Variants in MIPOL1 observed in about 807,000 individuals in gnomAD.
The protein encoded by MIPOL1 is mirror-image polydactyly 1.
In MIPOL1, 57 loss-of-function variants were observed where a neutral mutation model predicts 60.9. That is an observed-to-expected ratio of 0.94 (90% CI 0.76 to 1.17). MIPOL1 has a LOEUF of 1.17. MIPOL1 is among the 50% of genes most tolerant of loss of function. The pLI, the probability that MIPOL1 is intolerant of heterozygous loss-of-function variation, is 0.00. For synonymous variants in MIPOL1, 179 were observed against 168.8 expected (o/e 1.06, Z -0.47); for missense variants, 551 against 511.6 (o/e 1.08, Z -0.74).
intron 11 of MIPOL1, among the ~76,000 whole-genome samples, chr14:37,459,931 C>T (rs1022410778): frequency 7.2e-5 from 11 of 151,898 alleles, no homozygotes; most frequent in African/African-American, 1.7e-4. Context: ...AAAAATTAGC[C>T]GGGCATGGTG....
intron 10 of MIPOL1, among the ~76,000 whole-genome samples, chr14:37,410,217 G>A (rs2093658673): frequency 1.4e-5 from 2 of 138,530 alleles, no homozygotes; most frequent in African/African-American, 2.7e-5. Context: ...GAATTCAGGA[G>A]ACATTAGAAT....
chr14:37,257,141 C>G (rs1329729720), intron 3 of MIPOL1, among the ~76,000 whole-genome samples: 1 of 108,488 alleles, frequency 9.2e-6, no homozygotes, highest in Non-Finnish European at 2.1e-5. Flanking sequence ...GTTTGAGAAA[C>G]AAATGGGGAA....
intron 11 of MIPOL1, among the ~76,000 whole-genome samples, chr14:37,455,994 G>T (rs558323956): frequency 6.6e-6 from 1 of 151,824 alleles, no homozygotes; most frequent in Non-Finnish European, 1.5e-5. Context: ...GTTATATTCT[G>T]TTATTCAATT....
intron 7 of MIPOL1, among the ~76,000 whole-genome samples, chr14:37,295,524 G>A (rs1387287840): frequency 6.6e-6 from 1 of 152,128 alleles, no homozygotes; most frequent in Non-Finnish European, 1.5e-5. Flanking sequence ...TGGATAAAGA[G>A]TCAAGACCCA....
chr14:37,306,400 G>T (rs550192672), intron 7 of MIPOL1, among the ~76,000 whole-genome samples: 2 of 151,924 alleles, frequency 1.3e-5, no homozygotes, highest in South Asian at 2.1e-4. Flanking sequence ...TGTTGCAAAG[G>T]TTCCAGAGGA....
At chr14:37,369,208 C>T (rs2092568396) in intron 9 of MIPOL1, among the ~76,000 whole-genome samples, 1 of 151,954 alleles carries the variant, frequency 6.6e-6, no homozygotes. Flanking sequence ...GATAGATAAT[C>T]AGAACCATTT....
chr14:37,425,458 CT>C (rs1343149789), intron 11 of MIPOL1, among the ~76,000 whole-genome samples: 1 of 152,104 alleles, frequency 6.6e-6, no homozygotes, highest in Non-Finnish European at 1.5e-5. Flanking sequence ...GAAAGATATG[CT>C]TCACAACTAC....
chr14:37,282,238 A>ATATTAT (rs71124802), intron 6 of MIPOL1, among the ~76,000 whole-genome samples: 3,985 of 146,380 alleles, frequency 0.027, 104 homozygotes, highest in East Asian at 0.12. Context: ...TATTGCAGTA[A>ATATTAT]TATTATTATT....
chr14:37,210,032 G>A (rs1354677374), intron 1 of MIPOL1, among the ~76,000 whole-genome samples: 1 of 151,946 alleles, frequency 6.6e-6, no homozygotes, highest in African/African-American at 2.4e-5. Flanking sequence ...CTATTATTTT[G>A]TAGCTTCCCT....
At chr14:37,342,628 C>T (rs930362701) in intron 9 of MIPOL1, among the ~76,000 whole-genome samples, 34 of 152,040 alleles carry the variant, frequency 2.2e-4, no homozygotes, top group African/African-American at 8.2e-4. Flanking sequence ...GAACTCCTGA[C>T]CTGGTGATCC....
At chr14:37,298,504 G>A (rs1045137127) in intron 7 of MIPOL1, among the ~76,000 whole-genome samples, 1 of 152,156 alleles carries the variant, frequency 6.6e-6, no homozygotes. Context: ...CACCATCAGA[G>A]TGAACAGGCA....
At chr14:37,510,104 C>T (rs1594798889) in intron 12 of MIPOL1, among the ~76,000 whole-genome samples, 1 of 151,430 alleles carries the variant, frequency 6.6e-6, no homozygotes, top group East Asian at 1.9e-4. Context: ...ATATATGAAC[C>T]ATACATATGT....
intron 8 of MIPOL1, 61 bp from the exon 9 acceptor site, chr14:37,308,288 C>T (rs898417657): frequency 2.2e-6 from 3 of 1,352,302 alleles, no homozygotes; most frequent in Non-Finnish European, 3.0e-6. Context: ...TAATTAAAAC[C>T]CTATATTAAA....
intron 3 of MIPOL1, among the ~76,000 whole-genome samples, chr14:37,266,571 G>T (rs781589964): frequency 2.0e-5 from 3 of 152,040 alleles, no homozygotes; most frequent in Admixed American, 2.0e-4. Flanking sequence ...AACAAACATT[G>T]CCCCTAGGGA....
At chr14:37,530,430 G>A (rs1215810761) in intron 12 of MIPOL1, among the ~76,000 whole-genome samples, 1 of 152,186 alleles carries the variant, frequency 6.6e-6, no homozygotes, top group African/African-American at 2.4e-5. Context: ...GAAAGGAAGG[G>A]CTTGTAAGGA....
intron 10 of MIPOL1, among the ~76,000 whole-genome samples, chr14:37,418,905 T>C (rs542700301): frequency 6.6e-6 from 1 of 152,188 alleles, no homozygotes; most frequent in South Asian, 2.1e-4. Context: ...TATATAACTT[T>C]ATTATCCATA....
intron 10 of MIPOL1, chr14:37,385,645 C>T (rs1174968660): frequency 6.6e-6 from 1 of 151,962 alleles, no homozygotes; most frequent in Non-Finnish European, 1.5e-5. Flanking sequence ...TATCCCTATA[C>T]ATTCTTATAT....
intron 1 of MIPOL1, among the ~76,000 whole-genome samples, chr14:37,240,271 A>G (rs773018741): frequency 6.6e-6 from 1 of 152,222 alleles, no homozygotes; most frequent in South Asian, 2.1e-4. Flanking sequence ...AAAATCTGTT[A>G]GTAAGCATTA....
intron 12 of MIPOL1, among the ~76,000 whole-genome samples, chr14:37,522,474 C>T (rs910048319): frequency 6.6e-6 from 1 of 152,124 alleles, no homozygotes; most frequent in Admixed American, 6.5e-5. Flanking sequence ...ATATATCGTT[C>T]TCTTATGCCA....
Sources: gnomAD v4.1 joint callset for allele counts (sites outside exome capture counted in the v4.1 genomes callset) on GRCh38, gnomAD v4.1.1 for gene constraint, MANE v1.5 for transcripts, NCBI Gene and HGNC (gene_info 2026-07-23, HGNC 2026-07-21) for gene names.